PIK3C2G: variants seen among roughly 807,000 people sequenced by gnomAD.
The protein encoded by PIK3C2G is phosphatidylinositol-4-phosphate 3-kinase catalytic subunit type 2 gamma.
Under a neutral mutation model 181.1 loss-of-function variants are expected in PIK3C2G, and 168 were observed. The observed-to-expected ratio is 0.93, with a 90% CI of 0.82 to 1.05. The LOEUF (loss-of-function observed/expected upper bound fraction) is 1.05. Among genes scored for constraint, PIK3C2G ranks in the 50% least tolerant of loss-of-function variants. The probability of loss-of-function intolerance (pLI) is 0.00; values close to 1 mark genes in which losing one functional copy is unlikely to be tolerated. For synonymous variants in PIK3C2G, 573 were observed against 592.2 expected (o/e 0.97, Z 0.47); for missense variants, 1,869 against 1,732.8 (o/e 1.08, Z -1.40).
intron 16 of PIK3C2G, among the ~76,000 whole-genome samples, chr12:18,410,899 T>C (rs1944833675): frequency 6.6e-6 from 1 of 152,174 alleles, no homozygotes; most frequent in Non-Finnish European, 1.5e-5. Flanking sequence ...TGTAATTATA[T>C]AAGAGGAGCG....
At chr12:18,595,140 G>A (rs2136497612) in intron 30 of PIK3C2G, among the ~76,000 whole-genome samples, 1 of 152,102 alleles carries the variant, frequency 6.6e-6, no homozygotes, top group East Asian at 1.9e-4. Flanking sequence ...AGCACAATAT[G>A]CAAACTAATA....
intron 13 of PIK3C2G, among the ~76,000 whole-genome samples, chr12:18,372,029 T>C (rs1166309879): frequency 6.6e-6 from 1 of 152,190 alleles, no homozygotes; most frequent in African/African-American, 2.4e-5. Flanking sequence ...TTATAAAGCA[T>C]ATTTTTCCCT....
Position 18,548,434 on chromosome 12 carries a change from T to A in PIK3C2G, c.3590+2002T>A, listed in dbSNP as rs535422551. Among the ~76,000 whole-genome samples, 4 of 152,122 alleles carry A rather than the reference T, an allele frequency of 2.6e-5. No individual in the cohort carries two copies. In the East Asian group the frequency reaches 7.8e-4, roughly 30 times the overall value. On this transcript the variant is annotated intron_variant, in intron 26 of 32. Coordinates refer to ENST00000538779, the MANE Select transcript of PIK3C2G (RefSeq NM_001288772.2). ...TTTCAGGCCCTGGCCAAAAGAGAAA[T>A]GTAAATAGGCTTTATTCATCTGCCA...
At chr12:18,683,745 G>T in the PIK3C2G span, 1 of 711,412 alleles carries the variant, frequency 1.4e-6, no homozygotes, top group Non-Finnish European at 2.2e-6. Context: ...GGTCAGGAAA[G>T]GATAGTCTCA....
At chr12:18,583,868 G>T (rs991384208) in intron 29 of PIK3C2G, among the ~76,000 whole-genome samples, 1 of 152,180 alleles carries the variant, frequency 6.6e-6, no homozygotes, top group Non-Finnish European at 1.5e-5. Flanking sequence ...TAACTAGGCT[G>T]AGTTGGCTGG....
chr12:18,290,794 T>C, intron 3 of PIK3C2G, 61 bp from the exon 4 acceptor site: 1 of 1,009,152 alleles, frequency 9.9e-7, no homozygotes, highest in Non-Finnish European at 1.5e-6. Context: ...GTGGGCAATA[T>C]GTTTTAAACT....
At chr12:18,612,483 G>A (rs1291341388) in intron 31 of PIK3C2G, among the ~76,000 whole-genome samples, 2 of 152,066 alleles carry the variant, frequency 1.3e-5, no homozygotes, top group East Asian at 1.9e-4. Context: ...AAAGAATGTC[G>A]ACTTACTTCT....
chr12:18,545,081 T>C (rs1301950447), intron 25 of PIK3C2G, among the ~76,000 whole-genome samples: 8 of 151,880 alleles, frequency 5.3e-5, no homozygotes, highest in Non-Finnish European at 8.8e-5. Flanking sequence ...TGTTTTTTTG[T>C]ACTTTAGGAT....
the PIK3C2G span, among the ~76,000 whole-genome samples, chr12:18,663,439 ATTAT>A: frequency 6.6e-6 from 1 of 152,130 alleles, no homozygotes; most frequent in Admixed American, 6.6e-5. Context: ...TAATGTAGAG[ATTAT>A]TTAAACTACA....
chr12:18,697,472 A>C, the PIK3C2G span, among the ~76,000 whole-genome samples: 25,036 of 152,092 alleles, frequency 0.16, 2,292 homozygotes, highest in African/African-American at 0.23. Flanking sequence ...TCATTTACAA[A>C]GTAATAAATG....
chr12:18,672,305 A>C, the PIK3C2G span, among the ~76,000 whole-genome samples: 1 of 152,136 alleles, frequency 6.6e-6, no homozygotes, highest in South Asian at 2.1e-4. Context: ...CTCAGTCGTC[A>C]TTGCTCATCT....
At chr12:18,639,916 T>A (rs1390966150) in intron 31 of PIK3C2G, among the ~76,000 whole-genome samples, 2 of 151,944 alleles carry the variant, frequency 1.3e-5, no homozygotes, top group African/African-American at 4.8e-5. Context: ...TTAAATCTTG[T>A]AGGTATATTA....
chr12:18,567,742 CA>C (rs1213598769), intron 29 of PIK3C2G, among the ~76,000 whole-genome samples: 6 of 151,990 alleles, frequency 3.9e-5, no homozygotes, highest in African/African-American at 9.6e-5. Context: ...TGAGAAAAAC[CA>C]AAAAGAAATA....
At chr12:18,331,726 C>T (rs1384049522) in intron 8 of PIK3C2G, among the ~76,000 whole-genome samples, 1 of 151,946 alleles carries the variant, frequency 6.6e-6, no homozygotes, top group Non-Finnish European at 1.5e-5. Context: ...ACAGAATCCC[C>T]GCCTTGCTAT....
At chr12:18,693,575 G>A in the PIK3C2G span, 33 of 1,598,406 alleles carry the variant, frequency 2.1e-5, no homozygotes, top group Middle Eastern at 1.3e-3. Context: ...GCCCAAACTC[G>A]GACGGGAATT....
chr12:18,511,239 T>G (rs1377809247), intron 24 of PIK3C2G, among the ~76,000 whole-genome samples: 1 of 152,172 alleles, frequency 6.6e-6, no homozygotes, highest in Non-Finnish European at 1.5e-5. Flanking sequence ...TGATGGACAT[T>G]TATTTGTTTC....
chr12:18,513,912 T>C (rs1048304816), intron 24 of PIK3C2G, among the ~76,000 whole-genome samples: 4 of 151,854 alleles, frequency 2.6e-5, no homozygotes, highest in African/African-American at 9.7e-5. Context: ...GTAGTTCTTC[T>C]GTCTCTAGAC....
At chr12:18,565,935 G>C (rs768965381) in intron 28 of PIK3C2G, among the ~76,000 whole-genome samples, 2 of 151,968 alleles carry the variant, frequency 1.3e-5, no homozygotes, top group Non-Finnish European at 2.9e-5. Flanking sequence ...GTAGAATATA[G>C]ATCTATCTCT....
At chr12:18,505,992 C>T (rs548106011) in intron 24 of PIK3C2G, among the ~76,000 whole-genome samples, 1 of 152,230 alleles carries the variant, frequency 6.6e-6, no homozygotes, top group East Asian at 1.9e-4. Flanking sequence ...AACAAGTTTA[C>T]AAGCTAAGAA....
Sources: gnomAD v4.1 joint callset for allele counts (sites outside exome capture counted in the v4.1 genomes callset) on GRCh38, gnomAD v4.1.1 for gene constraint, MANE v1.5 for transcripts, NCBI Gene and HGNC (gene_info 2026-07-23, HGNC 2026-07-21) for gene names.